MOB3B: variants seen among roughly 807,000 people sequenced by gnomAD.
The protein encoded by MOB3B is MOB kinase activator 3B.
MOB3B carries 7 observed loss-of-function variants against 18.7 expected under a neutral mutation model. That is an observed-to-expected ratio of 0.37 (90% CI 0.21 to 0.70). MOB3B has a LOEUF of 0.70. Among genes scored for constraint, MOB3B ranks in the 30% least tolerant of loss-of-function variants. The pLI, the probability that MOB3B is intolerant of heterozygous loss-of-function variation, is 0.52. For synonymous variants in MOB3B, 111 were observed against 99.9 expected, an observed-to-expected ratio of 1.11 and a Z score of -0.66; for missense variants, 253 against 281.3, an observed-to-expected ratio of 0.90 and a Z score of 0.72.
At chr9:27,512,108 G>A (rs552716844) in intron 1 of MOB3B, among the ~76,000 whole-genome samples, 21 of 152,232 alleles carry the variant, frequency 1.4e-4, no homozygotes, top group Admixed American at 3.9e-4. Context: ...CCTGATAAAG[G>A]AAACCACATG....
intron 3 of MOB3B, among the ~76,000 whole-genome samples, chr9:27,357,725 C>A (rs1385053789): frequency 6.6e-6 from 1 of 151,580 alleles, no homozygotes; most frequent in Non-Finnish European, 1.5e-5. Flanking sequence ...CAATGACAAT[C>A]ATCTGATCTG....
At position 27,417,356 on chromosome 9, in the gene MOB3B, TC is replaced by T. The variant is rs1484236097; in HGVS notation, c.418+37776del. Among the ~76,000 whole-genome samples the T allele has an allele frequency of 6.6e-5, 10 of 150,830 alleles. No individual in the cohort carries two copies. The East Asian group carries it at 9.9e-4, about 15-fold the overall frequency. ...TCCAGCTTGGGCGACAGAGCGAGAC[TC>T]CGTCTCAAAAACAAAAGGAAACAAA... On this transcript the variant is annotated intron_variant, in intron 2 of 3. Transcript: ENST00000262244.
At chr9:27,469,455 C>T (rs1819438395) in intron 1 of MOB3B, among the ~76,000 whole-genome samples, 2 of 152,282 alleles carry the variant, frequency 1.3e-5, no homozygotes, top group East Asian at 3.9e-4. Flanking sequence ...TCCCACACAA[C>T]ACCACGACAT....
At chr9:27,507,883 T>C (rs577331935) in intron 1 of MOB3B, among the ~76,000 whole-genome samples, 9 of 152,356 alleles carry the variant, frequency 5.9e-5, no homozygotes. Flanking sequence ...AAATCATTCA[T>C]CCAGAAGGTT....
intron 2 of MOB3B, chr9:27,394,359 C>G (rs1198951936): frequency 6.6e-6 from 1 of 152,076 alleles, no homozygotes; most frequent in Non-Finnish European, 1.5e-5. Context: ...TAAAACATGT[C>G]AGGAAGTCTC....
chr9:27,468,123 T>C (rs1196338260), intron 1 of MOB3B, among the ~76,000 whole-genome samples: 2 of 152,214 alleles, frequency 1.3e-5, no homozygotes, highest in Non-Finnish European at 2.9e-5. Context: ...AAAGTCTGTC[T>C]ACACACCAGA....
At chr9:27,362,341 A>G (rs1276857935) in intron 2 of MOB3B, among the ~76,000 whole-genome samples, 1 of 152,196 alleles carries the variant, frequency 6.6e-6, no homozygotes, top group Non-Finnish European at 1.5e-5. Context: ...TCTTTAGTTT[A>G]AAATCCAGTC....
intron 1 of MOB3B, among the ~76,000 whole-genome samples, chr9:27,515,930 A>G (rs1563888063): frequency 6.6e-6 from 1 of 152,224 alleles, no homozygotes. Flanking sequence ...CAAATTAAGA[A>G]GATGTCATAC....
rs1287925005 is a variant in MOB3B, at chr9:27,370,512, AAAAAAAAAAAG to A, written c.419-11287_419-11277del. On this transcript the variant is annotated intron_variant, in intron 2 of 3. Coordinates refer to ENST00000262244, the MANE Select transcript of MOB3B (RefSeq NM_024761.5). ...AACAAGAGTGAAACTCCATCTCAGAAAAAAAAAAAAGAAAAAAAGAGGGTCCTTTTTCTTTC... is the reference window on the plus strand; with the variant it reads ...AACAAGAGTGAAACTCCATCTCAGAAAAAAAAAGAGGGTCCTTTTTCTTTC... 7.3e-5 allele frequency among the ~76,000 whole-genome samples: 11 copies of A among 149,718 alleles called. 1 individual carries two copies. Among genetic ancestry groups the A allele is most frequent in the African/African-American group, 2.7e-4 (11 of 40,838 alleles).
intron 3 of MOB3B, among the ~76,000 whole-genome samples, chr9:27,338,993 G>A (rs1820903052): frequency 6.6e-6 from 1 of 152,154 alleles, no homozygotes; most frequent in Non-Finnish European, 1.5e-5. Context: ...TGCTTAATCT[G>A]CTTTCCCGGA....
At chr9:27,369,451 C>G (rs900459053) in intron 2 of MOB3B, among the ~76,000 whole-genome samples, 1 of 152,198 alleles carries the variant, frequency 6.6e-6, no homozygotes, top group Non-Finnish European at 1.5e-5. Context: ...ACTAAGCTTC[C>G]TTTCTTTACT....
intron 1 of MOB3B, among the ~76,000 whole-genome samples, chr9:27,467,877 C>T (rs557919867): frequency 6.6e-5 from 10 of 152,334 alleles, no homozygotes; most frequent in African/African-American, 2.2e-4. Context: ...GTCTGGCTTC[C>T]ATAAGAAACA....
At chr9:27,495,165 C>T (rs1819877531) in intron 1 of MOB3B, among the ~76,000 whole-genome samples, 1 of 151,844 alleles carries the variant, frequency 6.6e-6, no homozygotes, top group Non-Finnish European at 1.5e-5. Flanking sequence ...CTTGTCTCTA[C>T]AAGTGATTTT....
chr9:27,425,802 T>TC (rs1822319785), intron 2 of MOB3B, among the ~76,000 whole-genome samples: 1 of 152,036 alleles, frequency 6.6e-6, no homozygotes, highest in South Asian at 2.1e-4. Flanking sequence ...TTTCCTAGCA[T>TC]CCCCCTCCCC....
intron 2 of MOB3B, among the ~76,000 whole-genome samples, chr9:27,434,542 G>T (rs1203954728): frequency 6.6e-6 from 1 of 151,868 alleles, no homozygotes; most frequent in Non-Finnish European, 1.5e-5. Context: ...TGAATCCCAG[G>T]CCTATATATC....
chr9:27,361,469 A>C lies in MOB3B; in HGVS notation c.419-2233T>G, dbSNP rs1204552823. Among the ~76,000 whole-genome samples the C allele has an allele frequency of 3.9e-5, 6 of 152,202 alleles. No homozygotes were observed. In the East Asian group the frequency reaches 1.2e-3, roughly 29 times the overall value. On this transcript the variant is annotated intron_variant, in intron 2 of 3. Coordinates refer to ENST00000262244, the MANE Select transcript of MOB3B (RefSeq NM_024761.5). ...AAATGTCCACAGCATCAGAAGCCAC[A>C]ACCAGAGGCAAGAAGAGGTCAGCTA...
In MOB3B at chr9:27,387,414, T is replaced by A. The variant is rs571241646; in HGVS notation, c.419-28178A>T. ...TGAACCCAGCTTTGCTGTTTCCCTG[T>A]GTAAGCTTGGGTAGGTCACTGCACT... On this transcript the variant is annotated intron_variant, in intron 2 of 3. Transcript: ENST00000262244. 5.3e-5 allele frequency among the ~76,000 whole-genome samples: 8 copies of A among 152,312 alleles called. No individual in the cohort carries two copies. In the East Asian group the frequency reaches 1.4e-3, roughly 26 times the overall value.
intron 2 of MOB3B, among the ~76,000 whole-genome samples, chr9:27,427,914 GC>G (rs1822361455): frequency 6.6e-6 from 1 of 152,026 alleles, no homozygotes; most frequent in Admixed American, 6.6e-5. Flanking sequence ...GCCCTATCTT[GC>G]CTATTAAGTT....
intron 2 of MOB3B, among the ~76,000 whole-genome samples, chr9:27,359,641 G>C (rs906238190): frequency 6.6e-6 from 1 of 152,200 alleles, no homozygotes; most frequent in Non-Finnish European, 1.5e-5. Context: ...GGGCCTGCAA[G>C]CTACCAGTCT....
Sources: gnomAD v4.1 joint callset for allele counts (sites outside exome capture counted in the v4.1 genomes callset) on GRCh38, gnomAD v4.1.1 for gene constraint, MANE v1.5 for transcripts, NCBI Gene and HGNC (gene_info 2026-07-23, HGNC 2026-07-21) for gene names.